TNS1: variants seen among roughly 807,000 people sequenced by gnomAD.
TNS1 encodes the protein tensin 1, also known as tensin-1.
Under a neutral mutation model 168.6 loss-of-function variants are expected in TNS1, and 62 were observed. The observed-to-expected ratio is 0.37, with a 90% CI of 0.30 to 0.45. TNS1 has a LOEUF of 0.45. Among genes scored for constraint, TNS1 ranks in the 20% least tolerant of loss-of-function variants. The pLI is 1.00. For synonymous variants in TNS1, 934 were observed against 933.2 expected (o/e 1.00, Z -0.02); for missense variants, 2,240 against 2,339.4 (o/e 0.96, Z 0.88).
chr2:217,962,208 C>T (rs762649185), intron 3 of TNS1, among the ~76,000 whole-genome samples: 3 of 152,216 alleles, frequency 2.0e-5, no homozygotes, highest in Non-Finnish European at 2.9e-5. Context: ...CTTTGGGATG[C>T]CGAGGCGGGT....
chr2:217,932,595 G>A (rs971217331), intron 3 of TNS1, among the ~76,000 whole-genome samples: 6 of 152,076 alleles, frequency 3.9e-5, no homozygotes, highest in Non-Finnish European at 1.5e-5. Context: ...CTCAAAGCAC[G>A]TAATCTTCAC....
At chr2:217,837,139 G>C (rs533490215) in intron 19 of TNS1, among the ~76,000 whole-genome samples, 1 of 152,242 alleles carries the variant, frequency 6.6e-6, no homozygotes, top group Non-Finnish European at 1.5e-5. Flanking sequence ...TCTCTTCTGG[G>C]AAGAGATTCC....
rs761243672 is a variant in TNS1, at chr2:217,810,298, T to C, written c.5054A>G (p.Asp1685Gly). ...PNRDPTDESK[D>G]SSGPANSTAD... is the part of the protein sequence containing the mutation. ...AGTTGAGTTGGCAGGGCCGGAGCTA[T>C]CTTTCGATTCATCTGTGGGGTCTAA... Residue 1685 changes from aspartate (D) to glycine (G), a missense_variant, in exon 29 of 33, where the codon GAT (aspartate) becomes GGT (glycine). Coordinates refer to ENST00000682258, the MANE Select transcript of TNS1 (RefSeq NM_001387777.1). The C allele has an allele frequency of 3.1e-6, 5 of 1,614,072 alleles. No individual in the cohort carries two copies. The highest frequency in any genetic ancestry group is 2.2e-5 in the East Asian group (1 of 44,894).
chr2:218,031,113 T>TGA (rs199549711), intron 1 of TNS1, among the ~76,000 whole-genome samples: 39,966 of 135,644 alleles, frequency 0.29, 9,437 homozygotes, highest in African/African-American at 0.67. Context: ...TGTATGAGTG[T>TGA]GTGTGAGCAT....
chr2:217,836,576 C>G (rs548172977), intron 19 of TNS1, among the ~76,000 whole-genome samples: 116 of 152,296 alleles, frequency 7.6e-4, no homozygotes, highest in Non-Finnish European at 1.3e-3. Flanking sequence ...AAAAGACAGT[C>G]TCCAAGGCAA....
chr2:217,906,249 C>T, intron 6 of TNS1, 86 bp downstream of exon 6: 2 of 685,012 alleles, frequency 2.9e-6, no homozygotes, highest in South Asian at 1.5e-5. Flanking sequence ...GCCCACGAAA[C>T]AAGACATTAT....
chr2:218,014,091 G>T (rs992077009), upstream of TNS1, among the ~76,000 whole-genome samples: 5 of 152,360 alleles, frequency 3.3e-5, no homozygotes, highest in East Asian at 5.8e-4. Flanking sequence ...AGCCCCCTCT[G>T]TCACAGGCCC....
intron 3 of TNS1, among the ~76,000 whole-genome samples, chr2:217,978,479 G>A (rs1957948408): frequency 6.6e-6 from 1 of 150,900 alleles, no homozygotes. Context: ...GCCGCTCTCT[G>A]GGAGCTCGGT....
intron 11 of TNS1, 51 bp from the exon 12 acceptor site, chr2:217,891,096 CG>C: frequency 3.1e-6 from 5 of 1,593,270 alleles, no homozygotes; most frequent in Non-Finnish European, 4.3e-6. Flanking sequence ...ATCCAAGAGC[CG>C]CTTGTTTTCC....
intron 19 of TNS1, chr2:217,841,262 T>A: frequency 4.1e-6 from 4 of 984,914 alleles, no homozygotes; most frequent in Non-Finnish European, 4.8e-6. Flanking sequence ...CTGTGTCCGA[T>A]GCCCTGCAGC....
chr2:217,837,152 G>A (rs551775299), intron 19 of TNS1, among the ~76,000 whole-genome samples: 7 of 152,188 alleles, frequency 4.6e-5, no homozygotes, highest in Non-Finnish European at 8.8e-5. Context: ...GAGATTCCCC[G>A]CCCTGCTTTC....
In TNS1 at chr2:217,848,347, C is replaced by T. The variant is rs767489478; in HGVS notation, c.2170G>A (p.Ala724Thr). ...GAGGTGGTCACTGGCTGTGGCCAGG[C>T]TGGGTGGGGCCCCTCCCTCTGGTAG... Reference protein sequence around the residue: ...AGYQREGPHPAWPQPVTTSHY... With the variant: ...AGYQREGPHPTWPQPVTTSHY... Residue 724 changes from alanine (A) to threonine (T), a missense_variant, in exon 19 of 33, where the codon GCC becomes ACC. Physicochemically the swap from Ala to Thr is moderately conservative, Grantham distance 58. Transcript: ENST00000682258. The T allele has an allele frequency of 2.6e-5, 40 of 1,539,954 alleles. 1 individual carries two copies. The Admixed American group carries it at 6.3e-4, about 24-fold the overall frequency.
chr2:217,805,521 C>CAT (rs1938554561), intron 32 of TNS1, among the ~76,000 whole-genome samples: 1 of 9,818 alleles, frequency 1.0e-4, no homozygotes, highest in Non-Finnish European at 2.8e-4. Flanking sequence ...ACACACCACA[C>CAT]ACACCACACA....
At chr2:217,988,290 C>A (rs532782398) in intron 2 of TNS1, among the ~76,000 whole-genome samples, 23 of 152,342 alleles carry the variant, frequency 1.5e-4, no homozygotes, top group African/African-American at 5.1e-4. Context: ...GTCTTGCTCA[C>A]CCTGGGAGCC....
chr2:218,003,765 A>G (rs1440655981), upstream of TNS1, among the ~76,000 whole-genome samples: 2 of 149,162 alleles, frequency 1.3e-5, no homozygotes, highest in Admixed American at 6.7e-5. Flanking sequence ...TTTGGTTTGC[A>G]TTTCCCCACT....
rs754684344 is a variant in TNS1, at chr2:217,817,842, G to A, written c.4490C>T (p.Ser1497Leu). The A allele has an allele frequency of 4.3e-6, 7 of 1,614,240 alleles. No individual in the cohort carries two copies. The highest frequency in any genetic ancestry group is 5.9e-6 in the Non-Finnish European group (7 of 1,180,036). Residue 1497 changes from serine (S) to leucine (L), a missense_variant, in exon 24 of 33, where the codon TCA (serine) becomes TTA (leucine). Ser to Leu is a moderately radical substitution (Grantham distance 145). Transcript: ENST00000682258. ...TPALPEKRRM[S>L]VGDRAGSLPN... ...GAGGCTGCCTGCCCGGTCTCCCACT[G>A]ACATCCTTCGCTTCTCTGGCAAGGC...
chr2:217,900,733 G>A lies in TNS1; in HGVS notation c.322-221C>T, dbSNP rs1039013020. 1.0e-5 allele frequency: 6 copies of A among 574,602 alleles called. No individual in the cohort carries two copies. In the African/African-American group the frequency reaches 1.1e-4, roughly 11 times the overall value. The allele number at this position is 574,602 out of a possible 1,614,324, so 35.6% of individuals were successfully genotyped here. A position where few individuals can be genotyped will look rare whatever the true frequency, so the allele number is the denominator to read the frequency against. ...GCCTGCCTGTGTGCAAGCCCCAGAG[G>A]GACAAAAGGAAGAATCCCGAATGCT... is the stretch of plus-strand genomic sequence containing the variant. On this transcript the variant is annotated intron_variant, in intron 6 of 32. Transcript: ENST00000682258.
rs1015847907 is a variant in TNS1 at position 217,892,818 on chromosome 2, GT to G, written c.782+129del. Reference sequence around the variant, plus strand: ...CTCAGAGCCAGGGGCCCCTTCCCCCGTCCTCATCGCTTCTCATTCCCTCTGT... The same window carrying G: ...CTCAGAGCCAGGGGCCCCTTCCCCCGCCTCATCGCTTCTCATTCCCTCTGT... On this transcript the variant is annotated intron_variant, in intron 11 of 32. Transcript: ENST00000682258. 2.0e-4 allele frequency: 213 copies of G among 1,058,826 alleles called. 1 individual carries two copies. The African/African-American group carries it at 2.6e-3, about 13-fold the overall frequency. 65.6% of individuals were successfully genotyped at this position (1,058,826 alleles called of 1,614,324 possible).
chr2:217,936,833 T>C (rs1053737730), intron 3 of TNS1: 2 of 429,532 alleles, frequency 4.7e-6, no homozygotes, highest in Admixed American at 2.4e-5. Flanking sequence ...GGCTGAGAAC[T>C]TTACAAATAG....
Sources: gnomAD v4.1 joint callset for allele counts (sites outside exome capture counted in the v4.1 genomes callset) on GRCh38, gnomAD v4.1.1 for gene constraint, MANE v1.5 for transcripts, NCBI Gene and HGNC (gene_info 2026-07-23, HGNC 2026-07-21) for gene names.